DLG5: variants seen among roughly 807,000 people sequenced by gnomAD.
DLG5 encodes discs large MAGUK scaffold protein 5, also known as disks large homolog 5.
DLG5 carries 48 observed loss-of-function variants against 189.8 expected under a neutral mutation model. That is an observed-to-expected ratio of 0.25 (90% CI 0.20 to 0.32). DLG5 has a LOEUF of 0.32. Ranked by LOEUF, DLG5 falls within the 10% of genes least tolerant of loss-of-function variation. The pLI is 1.00. For synonymous variants in DLG5, 1,016 were observed against 1,054.1 expected (o/e 0.96, Z 0.70); for missense variants, 2,160 against 2,544.7 (o/e 0.85, Z 3.25).
chr10:77,929,199 C>T (rs1196948621), upstream of DLG5: 1 of 152,040 alleles, frequency 6.6e-6, no homozygotes, highest in Admixed American at 6.6e-5. Flanking sequence ...TGCCACCACA[C>T]CTGGCTAATT....
At chr10:77,836,532 G>C (rs186335084) in intron 7 of DLG5, among the ~76,000 whole-genome samples, 1 of 151,942 alleles carries the variant, frequency 6.6e-6, no homozygotes, top group Non-Finnish European at 1.5e-5. Context: ...AGACACACAC[G>C]CACAGGAAGA....
intron 1 of DLG5, among the ~76,000 whole-genome samples, chr10:77,889,232 T>C (rs1360730310): frequency 6.8e-6 from 1 of 146,322 alleles, no homozygotes; most frequent in Non-Finnish European, 1.5e-5. Flanking sequence ...AGCCCACAGG[T>C]AACCTCCCAG....
chr10:77,928,022 T>G (rs1206467595), upstream of DLG5: 1 of 152,218 alleles, frequency 6.6e-6, no homozygotes, highest in Non-Finnish European at 1.5e-5. Flanking sequence ...AAGCAGTGTC[T>G]TCTTAGTCTG....
In DLG5 at chr10:77,817,012, T is replaced by A; in HGVS notation, c.3869A>T (p.Glu1290Val). 3 of 1,613,978 alleles carry A rather than the reference T, an allele frequency of 1.9e-6. No homozygotes were observed. Among genetic ancestry groups the A allele is most frequent in the Non-Finnish European group, 2.5e-6 (3 of 1,179,986 alleles). Residue 1290 changes from glutamate to valine, a missense_variant, in exon 19 of 32, where the codon GAG (glutamate) becomes GTG (valine). Physicochemically the swap from Glu to Val is moderately radical, Grantham distance 121. Around this residue, in one of 5 missense-constraint regions of DLG5, gnomAD observed 754 missense variants for 746.5 expected, o/e 1.01. Coordinates refer to ENST00000372391, the MANE Select transcript of DLG5 (RefSeq NM_004747.4). Reference protein sequence around the residue: ...PRYPRSVVGSERGSVSHSECS... With the variant: ...PRYPRSVVGSVRGSVSHSECS... ...GAATGTCGAGAAGTCCTTACCTCTC[T>A]CGGAGCCCACGACACTCCGCGGATA...
chr10:77,836,179 C>T (rs1329729612), intron 7 of DLG5, among the ~76,000 whole-genome samples: 3 of 152,130 alleles, frequency 2.0e-5, no homozygotes, highest in African/African-American at 7.2e-5. Flanking sequence ...GACAAAAATA[C>T]ACCAGTATTC....
At position 77,853,450 on chromosome 10, in the gene DLG5, C is replaced by A. The variant is rs1392675767; in HGVS notation, c.768G>T (p.Arg256=). The A allele has an allele frequency of 1.2e-6, 2 of 1,611,366 alleles. No homozygotes were observed. The highest frequency in any genetic ancestry group is 1.7e-4 in the Middle Eastern group (1 of 6,054). ...ATGACTGCTGCAGCAGGTTTCGCTC[C>A]CGCAGCAGCTGCCCATTCTCCCGCC... ...MLRRENGQLL[R]ERNLLQQSWE... The change falls in exon 5 of 32, where the codon CGG becomes CGT. Residue 256 remains arginine (R), a synonymous_variant. Transcript: ENST00000372391.
chr10:77,908,310 G>T lies in DLG5; in HGVS notation c.304+17907C>A, dbSNP rs192951705. On this transcript the variant is annotated intron_variant, in intron 1 of 31. Coordinates refer to ENST00000372391, the MANE Select transcript of DLG5 (RefSeq NM_004747.4). The stretch of plus-strand genomic sequence containing the variant: ...CAGACAGCCAGTCAGACACCTCAGG[G>T]GATCCTGGGAAGGCCAGCCAGTCTA... Among the ~76,000 whole-genome samples the T allele has an allele frequency of 6.9e-3, 1,050 of 152,218 alleles. 13 individuals are homozygous for T. Among genetic ancestry groups the T allele is most frequent in the African/African-American group, 0.023 (961 of 41,528 alleles).
chr10:77,933,002 G>A, the DLG5 span, among the ~76,000 whole-genome samples: 25 of 152,284 alleles, frequency 1.6e-4, no homozygotes, highest in Admixed American at 5.9e-4. Context: ...GACCTAAACT[G>A]ATGGCACCAA....
chr10:77,881,163 G>A (rs759293788), intron 1 of DLG5, among the ~76,000 whole-genome samples: 1 of 151,756 alleles, frequency 6.6e-6, no homozygotes, highest in African/African-American at 2.4e-5. Flanking sequence ...AGTGGAGATG[G>A]GATTTCACCA....
chr10:77,821,059 C>T (rs1164803235), intron 15 of DLG5, 23 bp downstream of exon 15: 6 of 1,578,678 alleles, frequency 3.8e-6, no homozygotes, highest in Non-Finnish European at 4.3e-6. Flanking sequence ...CTCCCCTCCC[C>T]ACACCCTGGG....
chr10:77,819,697 G>C, intron 16 of DLG5, 198 bp downstream of exon 16: 1 of 1,089,042 alleles, frequency 9.2e-7, no homozygotes, highest in Non-Finnish European at 1.3e-6. Context: ...GCTATGGGGA[G>C]AAAGCATGTT....
intron 1 of DLG5, among the ~76,000 whole-genome samples, chr10:77,925,907 G>C (rs1320442352): frequency 6.6e-6 from 1 of 152,182 alleles, no homozygotes; most frequent in Non-Finnish European, 1.5e-5. Flanking sequence ...TCAGAAAAGG[G>C]ACTGATGGAC....
At chr10:77,889,903 G>C (rs1359673922) in intron 1 of DLG5, among the ~76,000 whole-genome samples, 1 of 152,124 alleles carries the variant, frequency 6.6e-6, no homozygotes, top group Non-Finnish European at 1.5e-5. Flanking sequence ...GGGCACTGTA[G>C]GTGGGAGCCA....
Position 77,846,844 on chromosome 10 carries a change from G to A in DLG5, c.865-3138C>T, listed in dbSNP as rs1843719630. 4 of 409,462 alleles carry A rather than the reference G, an allele frequency of 9.8e-6. No homozygotes were observed. In the Admixed American group the frequency reaches 1.1e-4, roughly 12 times the overall value. 25.4% of individuals were successfully genotyped at this position (409,462 alleles called of 1,614,324 possible). On this transcript the variant is annotated intron_variant, in intron 5 of 31. Transcript: ENST00000372391. ...CCCCACAAGGTGGCAGCCGCGGGGA[G>A]ACGAGCCAACGCTCTCCTGCAGCGG...
chr10:77,851,527 C>A (rs1843976023), intron 5 of DLG5, among the ~76,000 whole-genome samples: 1 of 152,196 alleles, frequency 6.6e-6, no homozygotes, highest in African/African-American at 2.4e-5. Context: ...TGCCGGCTTT[C>A]CATTACCAAG....
chr10:77,897,490 T>G (rs1322491236), intron 1 of DLG5, among the ~76,000 whole-genome samples: 1 of 152,172 alleles, frequency 6.6e-6, no homozygotes, highest in Non-Finnish European at 1.5e-5. Flanking sequence ...AAGAGAATCT[T>G]TCCTCTTAAT....
chr10:77,819,669 C>T, intron 16 of DLG5: 1 of 1,022,914 alleles, frequency 9.8e-7, no homozygotes, highest in South Asian at 1.7e-5. Flanking sequence ...CTCTTTCATG[C>T]TTCCTATTTC....
chr10:77,871,444 C>T (rs1844893169), intron 1 of DLG5, among the ~76,000 whole-genome samples: 1 of 152,042 alleles, frequency 6.6e-6, no homozygotes, highest in African/African-American at 2.4e-5. Flanking sequence ...CATGCTCCAC[C>T]TCCCATATCT....
Position 77,821,545 on chromosome 10 carries a change from T to C in DLG5, c.2939A>G (p.Lys980Arg), listed in dbSNP as rs779581202. Residue 980 changes from lysine (K) to arginine (R), a missense_variant, in exon 15 of 32, where the codon AAA becomes AGA. This residue lies in a region of DLG5 where 754 missense variants were observed against 746.5 expected (regional missense o/e 1.01). Coordinates refer to ENST00000372391, the MANE Select transcript of DLG5 (RefSeq NM_004747.4). ...RKSIFDPNTF[K>R]RPQTPPKIDY... Reference sequence around the variant, plus strand: ...TATTTTGGGGGGTGTCTGGGGGCGTTTGAAAGTGTTAGGGTCAAAGATGGA... The same window carrying C: ...TATTTTGGGGGGTGTCTGGGGGCGTCTGAAAGTGTTAGGGTCAAAGATGGA... 1.9e-6 allele frequency: 3 copies of C among 1,612,742 alleles called. No homozygotes were observed. Among genetic ancestry groups the C allele is most frequent in the African/African-American group, 1.3e-5 (1 of 74,916 alleles).
Sources: gnomAD v4.1 joint callset for allele counts (sites outside exome capture counted in the v4.1 genomes callset) on GRCh38, gnomAD v4.1.1 for gene constraint, gnomAD v4.1.1 regional missense constraint, MANE v1.5 for transcripts, NCBI Gene and HGNC (gene_info 2026-07-23, HGNC 2026-07-21) for gene names.